RPS6KA5: variants seen among roughly 807,000 people sequenced by gnomAD.
The protein encoded by RPS6KA5 is ribosomal protein S6 kinase A5, also known as ribosomal protein S6 kinase alpha-5.
In RPS6KA5, 27 loss-of-function variants were observed where a neutral mutation model predicts 85.5. The observed-to-expected ratio is 0.32, with a 90% CI of 0.23 to 0.44. The LOEUF (loss-of-function observed/expected upper bound fraction) is 0.44, where lower values mean the gene tolerates loss of function less well. Ranked by LOEUF, RPS6KA5 falls within the 20% of genes least tolerant of loss-of-function variation. The probability of loss-of-function intolerance (pLI) is 1.00; values close to 1 mark genes in which losing one functional copy is unlikely to be tolerated. For missense variants in RPS6KA5, 811 were observed against 980.9 expected (o/e 0.83, Z 2.31); for synonymous variants, 334 against 348.2 (o/e 0.96, Z 0.46).
intron 14 of RPS6KA5, among the ~76,000 whole-genome samples, chr14:90,884,205 A>G (rs2034041509): frequency 6.6e-6 from 1 of 152,062 alleles, no homozygotes; most frequent in African/African-American, 2.4e-5. Context: ...GCTCCCACAA[A>G]CTGTGTGTAG....
intron 2 of RPS6KA5, among the ~76,000 whole-genome samples, chr14:90,992,650 TCCC>T (rs1247100439): frequency 3.3e-5 from 5 of 152,198 alleles, no homozygotes; most frequent in Admixed American, 2.6e-4. Flanking sequence ...GAGGAAATAA[TCCC>T]CCTTTTCCTG....
intron 1 of RPS6KA5, among the ~76,000 whole-genome samples, chr14:91,021,230 T>G (rs1201013780): frequency 1.3e-5 from 2 of 152,204 alleles, no homozygotes; most frequent in East Asian, 3.9e-4. Flanking sequence ...ACTCTTCCAC[T>G]TCTTCCAAGT....
chr14:90,929,646 T>C (rs2140314912), intron 5 of RPS6KA5, among the ~76,000 whole-genome samples: 1 of 152,228 alleles, frequency 6.6e-6, no homozygotes, highest in South Asian at 2.1e-4. Flanking sequence ...CTGATGCAAA[T>C]TCATTGACTG....
chr14:91,050,731 C>T (rs1439958529), intron 1 of RPS6KA5, among the ~76,000 whole-genome samples: 1 of 151,988 alleles, frequency 6.6e-6, no homozygotes. Flanking sequence ...GCCCAGCCGG[C>T]TTGCTTTTGT....
intron 5 of RPS6KA5, among the ~76,000 whole-genome samples, chr14:90,940,488 T>C (rs998476123): frequency 2.2e-4 from 33 of 152,214 alleles, no homozygotes; most frequent in African/African-American, 7.2e-4. Flanking sequence ...TATTAAGACC[T>C]AGCAACTCTG....
rs1201349416 is a variant in RPS6KA5 at position 90,868,824 on chromosome 14, TTAG to T, written c.*3247_*3249del. On this transcript the variant is annotated 3_prime_UTR_variant, in exon 17 of 17. Transcript: ENST00000614987. ...TACTTTAAAAAAAGTGACTTCTATC[TTAG>T]TAGATTTCTTTAAAATAACTTACCT... 2.6e-5 allele frequency: 4 copies of T among 152,196 alleles called. No individual in the cohort carries two copies. Among genetic ancestry groups the T allele is most frequent in the African/African-American group, 4.8e-5 (2 of 41,446 alleles). 9.4% of individuals were successfully genotyped at this position (152,196 alleles called of 1,614,324 possible). A position where few individuals can be genotyped will look rare whatever the true frequency, so the allele number is the denominator to read the frequency against.
At chr14:90,971,975 G>T (rs1336471468) in intron 3 of RPS6KA5, among the ~76,000 whole-genome samples, 2 of 152,198 alleles carry the variant, frequency 1.3e-5, no homozygotes, top group Admixed American at 6.5e-5. Flanking sequence ...AAAAGTAATA[G>T]CTTTCAGCTA....
At chr14:90,925,622 A>G (rs180685660) in intron 5 of RPS6KA5, among the ~76,000 whole-genome samples, 1 of 152,304 alleles carries the variant, frequency 6.6e-6, no homozygotes, top group Admixed American at 6.5e-5. Context: ...ATATTACTAA[A>G]TAAGTGAACT....
At chr14:90,876,606 A>G (rs2033494269) in intron 14 of RPS6KA5, among the ~76,000 whole-genome samples, 1 of 152,186 alleles carries the variant, frequency 6.6e-6, no homozygotes, top group Non-Finnish European at 1.5e-5. Flanking sequence ...TTGGTCTTGC[A>G]GAGATGGTGG....
In RPS6KA5 at chr14:90,869,963, T is replaced by TTCA. The variant is rs1261438023; in HGVS notation, c.*2108_*2110dup. 2 of 152,162 alleles carry TTCA rather than the reference T, an allele frequency of 1.3e-5. No homozygotes were observed. Among genetic ancestry groups the TTCA allele is most frequent in the East Asian group, 3.9e-4 (2 of 5,194 alleles). The allele number at this position is 152,162 out of a possible 1,614,324, so 9.4% of individuals were successfully genotyped here. A position where few individuals can be genotyped will look rare whatever the true frequency, so the allele number is the denominator to read the frequency against. On this transcript the variant is annotated 3_prime_UTR_variant, in exon 17 of 17. Transcript: ENST00000614987. Reference sequence around the variant, plus strand: ...TTAGTCTGACTGCCTTTTTACCCATTTCATCGCCTGTCGAATCCTCCTCAA... The same window carrying TTCA: ...TTAGTCTGACTGCCTTTTTACCCATTTCATCATCGCCTGTCGAATCCTCCTCAA...
chr14:90,935,497 G>T (rs1424311322), intron 5 of RPS6KA5, among the ~76,000 whole-genome samples: 1 of 152,140 alleles, frequency 6.6e-6, no homozygotes, highest in Non-Finnish European at 1.5e-5. Flanking sequence ...TTTTACAGAT[G>T]ATGAAATTAA....
intron 3 of RPS6KA5, among the ~76,000 whole-genome samples, chr14:90,962,388 T>G (rs2038849071): frequency 6.6e-6 from 1 of 151,760 alleles, no homozygotes; most frequent in Non-Finnish European, 1.5e-5. Flanking sequence ...ACTGCAGCCT[T>G]GACTTCCTGG....
intron 1 of RPS6KA5, among the ~76,000 whole-genome samples, chr14:91,017,605 A>C (rs938170921): frequency 5.9e-5 from 9 of 152,206 alleles, no homozygotes; most frequent in Non-Finnish European, 1.3e-4. Flanking sequence ...GAAGCTGTAC[A>C]TGCTCTGAAT....
chr14:90,873,483 A>G (rs758556012), intron 16 of RPS6KA5, 149 bp downstream of exon 16: 44 of 711,706 alleles, frequency 6.2e-5, no homozygotes, highest in Non-Finnish European at 8.5e-5. Context: ...ATAACCATGA[A>G]GCAATTTATA....
intron 4 of RPS6KA5, among the ~76,000 whole-genome samples, chr14:90,946,467 A>AG (rs1184634568): frequency 6.6e-6 from 1 of 151,672 alleles, no homozygotes; most frequent in African/African-American, 2.4e-5. Context: ...CTTACATCTT[A>AG]CCATAATTTA....
At chr14:90,898,981 A>G (rs1242121474) in intron 12 of RPS6KA5, among the ~76,000 whole-genome samples, 13 of 152,284 alleles carry the variant, frequency 8.5e-5, no homozygotes, top group African/African-American at 3.1e-4. Context: ...CTGAGTCCTG[A>G]GAGGTACTCC....
chr14:91,043,545 G>A (rs1286046576), intron 1 of RPS6KA5, among the ~76,000 whole-genome samples: 3 of 152,128 alleles, frequency 2.0e-5, no homozygotes, highest in Non-Finnish European at 4.4e-5. Flanking sequence ...TTTCCTATAC[G>A]TAGATTGGAA....
intron 11 of RPS6KA5, among the ~76,000 whole-genome samples, chr14:90,899,906 A>T (rs2035065449): frequency 6.6e-6 from 1 of 152,222 alleles, no homozygotes; most frequent in Non-Finnish European, 1.5e-5. Flanking sequence ...TAAGACTATG[A>T]TTTATGTCTA....
intron 1 of RPS6KA5, among the ~76,000 whole-genome samples, chr14:91,009,051 G>C (rs551349395): frequency 6.6e-6 from 1 of 152,264 alleles, no homozygotes. Context: ...CACAGGACAG[G>C]GTCCTCACTT....
Sources: allele counts gnomAD v4.1 joint callset (sites outside exome capture counted in the v4.1 genomes callset), GRCh38; gene constraint gnomAD v4.1.1; transcripts MANE v1.5; gene names NCBI Gene and HGNC (gene_info 2026-07-23, HGNC 2026-07-21).